The following XPR1 variants were observed in gnomAD, a reference collection of about 807,000 sequenced individuals.
XPR1 encodes xenotropic and polytropic retrovirus receptor 1.
XPR1 carries 28 observed loss-of-function variants against 87.5 expected under a neutral mutation model. The observed-to-expected ratio is 0.32, with a 90% CI of 0.24 to 0.44. XPR1 has a LOEUF of 0.44. XPR1 is among the 20% of genes least tolerant of loss of function. The pLI is 1.00. For synonymous variants in XPR1, 300 were observed against 306.1 expected (o/e 0.98, Z 0.21); for missense variants, 559 against 862.3 (o/e 0.65, Z 4.41).
chr1:180,796,174 TAC>T (rs199664677), intron 3 of XPR1, among the ~76,000 whole-genome samples: 1 of 151,844 alleles, frequency 6.6e-6, no homozygotes, highest in Non-Finnish European at 1.5e-5. Flanking sequence ...CTTTTATATA[TAC>T]ACACACACAC....
chr1:180,749,639 T>TCTCACA (rs1256087509), intron 2 of XPR1, among the ~76,000 whole-genome samples: 2 of 142,342 alleles, frequency 1.4e-5, no homozygotes, highest in African/African-American at 5.2e-5. Context: ...CACATATACA[T>TCTCACA]CACACACACA....
chr1:180,787,693 C>T, intron 2 of XPR1, 60 bp from the exon 3 acceptor site: 31 of 1,173,188 alleles, frequency 2.6e-5, no homozygotes, highest in Middle Eastern at 2.7e-4. Context: ...TTTTTGTTTC[C>T]TTAGTTTTCT....
At chr1:180,776,478 T>TTA (rs887733350) in intron 2 of XPR1, among the ~76,000 whole-genome samples, 5 of 152,138 alleles carry the variant, frequency 3.3e-5, no homozygotes, top group African/African-American at 9.6e-5. Context: ...AATTATACAA[T>TTA]TTCCATTATA....
chr1:180,694,664 TAAAA>T (rs1571732978), intron 2 of XPR1, among the ~76,000 whole-genome samples: 1 of 152,118 alleles, frequency 6.6e-6, no homozygotes, highest in Non-Finnish European at 1.5e-5. Flanking sequence ...TTTAAAGACA[TAAAA>T]AAGTGGTGAG....
intron 9 of XPR1, among the ~76,000 whole-genome samples, chr1:180,830,408 C>G (rs570800402): frequency 3.3e-5 from 5 of 152,132 alleles, no homozygotes; most frequent in Non-Finnish European, 7.3e-5. Context: ...GACACCTGGT[C>G]TAGCTTCCAA....
chr1:180,790,050 C>A (rs964722271), intron 3 of XPR1, among the ~76,000 whole-genome samples: 4 of 152,010 alleles, frequency 2.6e-5, no homozygotes, highest in African/African-American at 9.7e-5. Flanking sequence ...GCTCATTATA[C>A]CCCCAGCTTT....
chr1:180,659,381 GTCCTTCCTTCCTTCCT>G (rs1169616821), intron 1 of XPR1, among the ~76,000 whole-genome samples: 6,495 of 55,272 alleles, frequency 0.12, 411 homozygotes, highest in African/African-American at 0.15. Context: ...CCGTCCTTCC[GTCCTTCCTTCCTTCCT>G]TCCTTCCTTC....
Position 180,863,755 on chromosome 1 carries a change from T to C in XPR1, c.1549T>C (p.Phe517Leu). Residue 517 changes from phenylalanine (F) to leucine (L), a missense_variant, in exon 12 of 15, where the codon TTT becomes CTT. Coordinates refer to ENST00000367590, the MANE Select transcript of XPR1 (RefSeq NM_004736.4). ...GGTGTTCTTTTACCTGTGGATTGTC[T>C]TTTATATCATCAGTTCCTGCTATAC... Reference protein sequence around the residue: ...TMVFFYLWIVFYIISSCYTLI... With the variant: ...TMVFFYLWIVLYIISSCYTLI... 6.2e-7 allele frequency: 1 copy of C among 1,608,840 alleles called. No individual in the cohort carries two copies. The highest frequency in any genetic ancestry group is 8.5e-7 in the Non-Finnish European group (1 of 1,177,886).
At chr1:180,862,381 A>G (rs1652251721) in intron 11 of XPR1, among the ~76,000 whole-genome samples, 1 of 152,008 alleles carries the variant, frequency 6.6e-6, no homozygotes, top group Admixed American at 6.6e-5. Flanking sequence ...AGCTTCTCAA[A>G]CACACCTGTA....
chr1:180,643,086 G>A (rs1266927537), intron 1 of XPR1, among the ~76,000 whole-genome samples: 1 of 152,114 alleles, frequency 6.6e-6, no homozygotes, highest in Non-Finnish European at 1.5e-5. Flanking sequence ...ATTCTAAGAA[G>A]TTTAAACATT....
chr1:180,875,947 A>G (rs1652650252), intron 13 of XPR1, among the ~76,000 whole-genome samples: 1 of 151,956 alleles, frequency 6.6e-6, no homozygotes, highest in Non-Finnish European at 1.5e-5. Flanking sequence ...ATTTAGATGA[A>G]TGGACAAATT....
At chr1:180,633,636 A>G (rs1034670560) in intron 1 of XPR1, among the ~76,000 whole-genome samples, 2 of 152,196 alleles carry the variant, frequency 1.3e-5, no homozygotes, top group Non-Finnish European at 2.9e-5. Context: ...TATAATTATT[A>G]ATGCTTTATT....
At chr1:180,782,880 C>T (rs1474943455) in intron 2 of XPR1, among the ~76,000 whole-genome samples, 1 of 151,878 alleles carries the variant, frequency 6.6e-6, no homozygotes. Context: ...AAACTCATGT[C>T]ACCTAGGCTC....
intron 2 of XPR1, among the ~76,000 whole-genome samples, chr1:180,742,324 T>A (rs970947744): frequency 2.0e-5 from 3 of 152,184 alleles, no homozygotes; most frequent in African/African-American, 7.2e-5. Flanking sequence ...CAAATTTTGA[T>A]AGGTTGTATT....
At chr1:180,667,553 C>T (rs1656003504) in intron 1 of XPR1, among the ~76,000 whole-genome samples, 2 of 152,150 alleles carry the variant, frequency 1.3e-5, no homozygotes, top group African/African-American at 2.4e-5. Flanking sequence ...GATATTTGCC[C>T]ATAGTTTTGT....
intron 11 of XPR1, among the ~76,000 whole-genome samples, chr1:180,841,066 G>A (rs1480864991): frequency 6.6e-6 from 1 of 152,076 alleles, no homozygotes; most frequent in Non-Finnish European, 1.5e-5. Context: ...TAAGTGTACT[G>A]TTTTAGACAT....
intron 2 of XPR1, among the ~76,000 whole-genome samples, chr1:180,695,459 C>T (rs1439205544): frequency 2.7e-5 from 4 of 145,790 alleles, no homozygotes; most frequent in South Asian, 2.3e-4. Flanking sequence ...CGCACGCGCG[C>T]GCTTTTGTTG....
At chr1:180,711,349 C>G (rs1319033724) in intron 2 of XPR1, among the ~76,000 whole-genome samples, 1 of 151,998 alleles carries the variant, frequency 6.6e-6, no homozygotes, top group African/African-American at 2.4e-5. Context: ...AACGAGACTC[C>G]ATCTGCAATC....
At chr1:180,726,232 C>T (rs1658334890) in intron 2 of XPR1, among the ~76,000 whole-genome samples, 1 of 152,190 alleles carries the variant, frequency 6.6e-6, no homozygotes, top group African/African-American at 2.4e-5. Flanking sequence ...CCAGTCAGCA[C>T]TTTGTAAAAT....
Sources: allele counts gnomAD v4.1 joint callset (sites outside exome capture counted in the v4.1 genomes callset), GRCh38; gene constraint gnomAD v4.1.1; transcripts MANE v1.5; gene names NCBI Gene and HGNC (gene_info 2026-07-23, HGNC 2026-07-21).